Variants in CUX1 observed in about 807,000 individuals in gnomAD.
The protein encoded by CUX1 is cut like homeobox 1.
In CUX1, 31 loss-of-function variants were observed where a neutral mutation model predicts 158.8. The ratio of observed to expected loss-of-function variants is 0.20; its 90% CI spans 0.15 to 0.26. The LOEUF (loss-of-function observed/expected upper bound fraction) is 0.26, where lower values mean the gene tolerates loss of function less well. CUX1 is among the 10% of genes least tolerant of loss of function. The pLI, the probability that CUX1 is intolerant of heterozygous loss-of-function variation, is 1.00. For synonymous variants in CUX1, 879 were observed against 862.1 expected, an observed-to-expected ratio of 1.02 and a Z score of -0.34; for missense variants, 1,589 against 2,014.6, an observed-to-expected ratio of 0.79 and a Z score of 4.04.
At chr7:101,838,210 A>C (rs1794843343) in intron 1 of CUX1, among the ~76,000 whole-genome samples, 1 of 151,246 alleles carries the variant, frequency 6.6e-6, no homozygotes, top group Non-Finnish European at 1.5e-5. Context: ...GCTCACTGCA[A>C]CCTACGCCTC....
rs1411753375 is a variant in CUX1, at chr7:102,249,394, G to A, written c.*352G>A. 1 of 991,170 alleles carries A rather than the reference G, an allele frequency of 1.0e-6. No individual in the cohort carries two copies. Among genetic ancestry groups the A allele is most frequent in the African/African-American group, 1.7e-5 (1 of 57,544 alleles). 61.4% of individuals were successfully genotyped at this position (991,170 alleles called of 1,614,324 possible). A position where few individuals can be genotyped will look rare whatever the true frequency, so the allele number is the denominator to read the frequency against. On this transcript the variant is annotated 3_prime_UTR_variant, in exon 24 of 24. Coordinates refer to ENST00000292535, the MANE Select transcript of CUX1 (RefSeq NM_181552.4). ...ATCGCCATAGGCCAAGGTGCATATA[G>A]AAAACAAAGGAGCATTAAGCCCAAT...
chr7:101,943,545 T>G (rs1585049803), intron 2 of CUX1, among the ~76,000 whole-genome samples: 1 of 152,192 alleles, frequency 6.6e-6, no homozygotes, highest in East Asian at 1.9e-4. Context: ...GTGTTCGCTC[T>G]CAAATGGGCT....
In CUX1 at chr7:101,999,898, G is replaced by GTGTGTGTGTGCA. The variant is rs1362335434; in HGVS notation, c.142-28192_142-28181dup. ...GTGGCATGCGTGCGTGTGTGTGTGC[G>GTGTGTGTGTGCA]TGTGTGTGTGCATGTGTGTTCTAAA... On this transcript the variant is annotated intron_variant, in intron 2 of 23. Transcript: ENST00000292535. Among the ~76,000 whole-genome samples, 12 of 152,174 alleles carry GTGTGTGTGTGCA rather than the reference G, an allele frequency of 7.9e-5. No individual in the cohort carries two copies. The South Asian group carries it at 1.5e-3, about 18-fold the overall frequency.
Position 102,255,469 on chromosome 7 carries a change from G to C in CUX1, c.*6427G>C. On this transcript the variant is annotated 3_prime_UTR_variant, in exon 24 of 24. Coordinates refer to ENST00000292535, the MANE Select transcript of CUX1 (RefSeq NM_181552.4). ...AAATGTGCACTTCCCCCATGCCCCC[G>C]TTCTTAAACTCTTAAGATGCCTTTG... 1.1e-5 allele frequency: 11 copies of C among 984,546 alleles called. No individual in the cohort carries two copies. Among genetic ancestry groups the C allele is most frequent in the Non-Finnish European group, 1.3e-5 (11 of 829,826 alleles). 61.0% of individuals were successfully genotyped at this position (984,546 alleles called of 1,614,324 possible). A position where few individuals can be genotyped will look rare whatever the true frequency, so the allele number is the denominator to read the frequency against.
At chr7:101,833,431 T>C (rs981578473) in intron 1 of CUX1, among the ~76,000 whole-genome samples, 3 of 151,498 alleles carry the variant, frequency 2.0e-5, no homozygotes, top group Non-Finnish European at 4.4e-5. Flanking sequence ...GGTGCACACC[T>C]GTGATCCTGG....
upstream of CUX1, chr7:101,817,025 T>A: frequency 1.0e-6 from 1 of 984,172 alleles, no homozygotes; most frequent in Non-Finnish European, 1.2e-6. This position sits in a 1 kb window ranked among gnomAD's most constrained non-coding sequence, Gnocchi z 4.1. Context: ...GACCTGTTCC[T>A]CCGTGGCGGA....
chr7:102,040,071 G>A (rs1484866974), intron 3 of CUX1, among the ~76,000 whole-genome samples: 1 of 152,170 alleles, frequency 6.6e-6, no homozygotes, highest in Non-Finnish European at 1.5e-5. Context: ...CCTGCTTCCA[G>A]CTATGGGCCA....
At chr7:102,015,009 C>T (rs949813571) in intron 2 of CUX1, among the ~76,000 whole-genome samples, 1 of 152,114 alleles carries the variant, frequency 6.6e-6, no homozygotes, top group East Asian at 1.9e-4. Context: ...ATTTACCCAT[C>T]GTTCATTATT....
intron 8 of CUX1, among the ~76,000 whole-genome samples, chr7:102,122,852 G>C (rs1257238306): frequency 6.6e-6 from 1 of 152,170 alleles, no homozygotes; most frequent in African/African-American, 2.4e-5. Context: ...GAACGATAGA[G>C]TAAGGACAGG....
chr7:102,225,913 T>C (rs1477078874), intron 20 of CUX1, among the ~76,000 whole-genome samples: 2 of 152,224 alleles, frequency 1.3e-5, no homozygotes, highest in African/African-American at 4.8e-5. Flanking sequence ...TGTGTCACCC[T>C]CAGTGGGCAT....
chr7:101,949,939 G>C (rs1202777889), intron 2 of CUX1, among the ~76,000 whole-genome samples: 1 of 152,034 alleles, frequency 6.6e-6, no homozygotes. Flanking sequence ...CTCAGGAGCT[G>C]GTGTCTCCTG....
intron 8 of CUX1, among the ~76,000 whole-genome samples, chr7:102,124,758 A>G (rs1832427203): frequency 6.6e-6 from 1 of 152,098 alleles, no homozygotes; most frequent in South Asian, 2.1e-4. Flanking sequence ...TAATGCCGGT[A>G]TATTGTAAAA....
At chr7:102,212,753 G>A (rs1165278640) in intron 20 of CUX1, among the ~76,000 whole-genome samples, 3 of 151,672 alleles carry the variant, frequency 2.0e-5, no homozygotes, top group South Asian at 2.1e-4. Flanking sequence ...GATGGGGGGC[G>A]TGCAGGCCTC....
intron 13 of CUX1, among the ~76,000 whole-genome samples, chr7:102,194,892 C>A (rs190134712): frequency 6.6e-6 from 1 of 151,860 alleles, no homozygotes; most frequent in Non-Finnish European, 1.5e-5. Context: ...AGCGTGGTGG[C>A]GCACGTCTGT....
At chr7:102,001,197 T>C (rs79805744) in intron 2 of CUX1, among the ~76,000 whole-genome samples, 6,185 of 152,232 alleles carry the variant, frequency 0.041, 440 homozygotes, top group African/African-American at 0.14. Flanking sequence ...GCCTTCTAGA[T>C]ATGGGCTGGA....
rs142755779 is a variant in CUX1 at position 102,283,010 on chromosome 7, G to A, written c.1968-11G>A. ...ACACTCGGCCTCAGCAAAGCTTCCC[G>A]TGTCCCCCAGGTTCGCTGACCACCT... is the stretch of plus-strand genomic sequence containing the variant. On this transcript the variant is annotated splice_polypyrimidine_tract_variant and intron_variant, in intron 22 of 22. Coordinates refer to the CUX1 transcript ENST00000292538. 5.3e-4 allele frequency: 821 copies of A among 1,552,640 alleles called. 34 individuals carry two copies. In the East Asian group the frequency reaches 8.3e-3, roughly 16 times the overall value.
chr7:102,252,653 C>A lies in CUX1; in HGVS notation c.*3611C>A. On this transcript the variant is annotated 3_prime_UTR_variant, in exon 24 of 24. Transcript: ENST00000292535. Reference sequence around the variant, plus strand: ...CCGGCCCAAGCTCCCTTGTGATAGCCGAGATGGCAGGTGTGTGAGTTCTGT... The same window carrying A: ...CCGGCCCAAGCTCCCTTGTGATAGCAGAGATGGCAGGTGTGTGAGTTCTGT... The A allele has an allele frequency of 1.0e-6, 1 of 985,392 alleles. No homozygotes were observed. The highest frequency in any genetic ancestry group is 1.2e-6 in the Non-Finnish European group (1 of 829,930). The allele number at this position is 985,392 out of a possible 1,614,324, so 61.0% of individuals were successfully genotyped here.
intron 1 of CUX1, among the ~76,000 whole-genome samples, chr7:101,903,218 G>A (rs1802350822): frequency 6.6e-6 from 1 of 152,198 alleles, no homozygotes; most frequent in African/African-American, 2.4e-5. Flanking sequence ...GGGGAACACA[G>A]GAGGTAGAAA....
chr7:102,135,617 A>G (rs1464703768), intron 8 of CUX1, among the ~76,000 whole-genome samples: 2 of 152,064 alleles, frequency 1.3e-5, no homozygotes, highest in Non-Finnish European at 2.9e-5. Flanking sequence ...AATAATATAT[A>G]TAAAAACATG....
Sources: gnomAD v4.1 joint callset for allele counts (sites outside exome capture counted in the v4.1 genomes callset) on GRCh38, gnomAD v4.1.1 for gene constraint, Gnocchi (gnomAD v3.1) non-coding constraint, MANE v1.5 for transcripts, NCBI Gene and HGNC (gene_info 2026-07-23, HGNC 2026-07-21) for gene names.